The following MIA2 variants were observed in gnomAD, a reference collection of about 807,000 sequenced individuals.
The protein encoded by MIA2 is MIA SH3 domain ER export factor 2, also known as melanoma inhibitory activity protein 2.
A neutral mutation model predicts 167.8 loss-of-function variants in MIA2; 127 were observed. The observed-to-expected ratio is 0.76, with a 90% CI of 0.66 to 0.88. MIA2 has a LOEUF of 0.88. MIA2 is among the 40% of genes least tolerant of loss of function. The pLI, the probability that MIA2 is intolerant of heterozygous loss-of-function variation, is 0.00. For synonymous variants in MIA2, 552 were observed against 541.9 expected, an observed-to-expected ratio of 1.02 and a Z score of -0.26; for missense variants, 1,690 against 1,624.7, an observed-to-expected ratio of 1.04 and a Z score of -0.69.
chr14:39,266,710 CG>C, intron 6 of MIA2: 1 of 985,520 alleles, frequency 1.0e-6, no homozygotes, highest in Non-Finnish European at 1.2e-6. Context: ...GCTGGCTTCT[CG>C]GGGCTGCCGG....
intron 13 of MIA2, among the ~76,000 whole-genome samples, chr14:39,298,031 T>C (rs1020108876): frequency 1.2e-4 from 19 of 152,162 alleles, no homozygotes; most frequent in African/African-American, 4.6e-4. Flanking sequence ...CTATTTTCTT[T>C]TTTCCTTGTG....
chr14:39,303,549 A>C (rs1468132827), intron 16 of MIA2, 25 bp downstream of exon 16: 1 of 1,567,236 alleles, frequency 6.4e-7, no homozygotes, highest in Non-Finnish European at 8.8e-7. Context: ...ATACTTAAAA[A>C]GAATAAGGAG....
chr14:39,288,936 T>G (rs1264606625), intron 9 of MIA2, among the ~76,000 whole-genome samples: 1 of 152,178 alleles, frequency 6.6e-6, no homozygotes, highest in African/African-American at 2.4e-5. Flanking sequence ...ATTTATTTAT[T>G]TTTTGTGGTT....
At position 39,298,443 on chromosome 14, in the gene MIA2, A is replaced by ATATATATATATATATATATATATATATAT. The variant is rs1372100362; in HGVS notation, c.2497-1421_2497-1420insTATATATATATATATATATATATATATAT. On this transcript the variant is annotated intron_variant, in intron 13 of 28. Transcript: ENST00000640607. ...TATATATATATATATATATATATAT[A>ATATATATATATATATATATATATATATAT]AAGATTAGTTTTTCATGTGTTCGGA... Among the ~76,000 whole-genome samples, 316 of 49,902 alleles carry ATATATATATATATATATATATATATATAT rather than the reference A, an allele frequency of 6.3e-3. 46 individuals are homozygous for ATATATATATATATATATATATATATATAT. Among genetic ancestry groups the ATATATATATATATATATATATATATATAT allele is most frequent in the Middle Eastern group, 9.8e-3 (1 of 102 alleles). The allele number at this position is 49,902 out of a possible 152,430, so 32.7% of individuals were successfully genotyped here.
At chr14:39,235,805 T>A (rs1031708260) in intron 1 of MIA2, among the ~76,000 whole-genome samples, 2 of 151,676 alleles carry the variant, frequency 1.3e-5, no homozygotes, top group African/African-American at 2.4e-5. Flanking sequence ...GAAAAAAAAA[T>A]TTTTCTTTCC....
intron 6 of MIA2, among the ~76,000 whole-genome samples, chr14:39,275,788 T>G (rs2057920042): frequency 6.6e-6 from 1 of 152,216 alleles, no homozygotes; most frequent in African/African-American, 2.4e-5. Context: ...ATTAGATTTC[T>G]GCGAACTGGT....
chr14:39,366,925 TCA>T (rs1035663301), intron 23 of MIA2, among the ~76,000 whole-genome samples: 2 of 152,176 alleles, frequency 1.3e-5, no homozygotes, highest in African/African-American at 4.8e-5. Flanking sequence ...GAAATAGTTC[TCA>T]GAGTGTGTGC....
In MIA2 at chr14:39,247,628, A is replaced by T. The variant is rs1234288680; in HGVS notation, c.1054A>T (p.Thr352Ser). The change falls in exon 4 of 29, where the codon ACA becomes TCA. Residue 352 changes from threonine (T) to serine (S), a missense_variant. Transcript: ENST00000640607. The stretch of plus-strand genomic sequence containing the variant: ...TTCCATATCATCTGATAAAGAAGCC[A>T]CAGTTCCATGTACAGAAATATTAAC... The part of the protein sequence containing the change: ...PNSISSDKEA[T>S]VPCTEILTEK... The T allele has an allele frequency of 2.5e-6, 4 of 1,613,658 alleles. No individual in the cohort carries two copies. The highest frequency in any genetic ancestry group is 3.4e-6 in the Non-Finnish European group (4 of 1,179,960).
intron 23 of MIA2, among the ~76,000 whole-genome samples, chr14:39,381,292 T>G (rs994804596): frequency 1.8e-4 from 27 of 152,220 alleles, no homozygotes; most frequent in Middle Eastern, 6.8e-3. Context: ...AAATAAAACC[T>G]TTTTCTCAAA....
intron 25 of MIA2, among the ~76,000 whole-genome samples, chr14:39,333,652 G>T (rs1044674656): frequency 3.3e-5 from 5 of 151,946 alleles, no homozygotes; most frequent in Admixed American, 6.6e-5. Context: ...CCCCATACCC[G>T]GTTGTTACTC....
chr14:39,317,116 A>G (rs893789385), intron 21 of MIA2, among the ~76,000 whole-genome samples: 11 of 152,198 alleles, frequency 7.2e-5, no homozygotes, highest in African/African-American at 2.7e-4. Context: ...CCTAGGATAT[A>G]TCTGTCCTCA....
intron 3 of MIA2, among the ~76,000 whole-genome samples, chr14:39,243,965 A>G (rs1418715653): frequency 6.6e-6 from 1 of 152,252 alleles, no homozygotes; most frequent in Non-Finnish European, 1.5e-5. Flanking sequence ...CTGTAGAGAT[A>G]TGACTGAACA....
At chr14:39,353,105 G>A (rs1345935217), downstream of MIA2, among the ~76,000 whole-genome samples, 1 of 152,062 alleles carries the variant, frequency 6.6e-6, no homozygotes, top group Non-Finnish European at 1.5e-5. Flanking sequence ...GTACATGTGA[G>A]TGTTACTTGC....
intron 13 of MIA2, among the ~76,000 whole-genome samples, chr14:39,297,909 G>A (rs566309113): frequency 2.0e-5 from 3 of 151,976 alleles, no homozygotes; most frequent in Admixed American, 6.6e-5. Flanking sequence ...CTACTTTTGG[G>A]TGTTCCTACC....
chr14:39,385,903 C>T (rs1274558892), intron 23 of MIA2: 10 of 884,514 alleles, frequency 1.1e-5, no homozygotes, highest in Admixed American at 1.7e-5. Flanking sequence ...AAGGTTATCT[C>T]CTCTACCCCA....
chr14:39,264,506 C>CT (rs1001966964), intron 6 of MIA2, among the ~76,000 whole-genome samples: 3 of 152,100 alleles, frequency 2.0e-5, no homozygotes, highest in Middle Eastern at 3.4e-3. Flanking sequence ...TTTAACACTA[C>CT]TTTTTTTTCT....
chr14:39,234,037 TC>T lies in MIA2; in HGVS notation c.-76del. 1.3e-6 allele frequency: 1 copy of T among 792,184 alleles called. No individual in the cohort carries two copies. The highest frequency in any genetic ancestry group is 1.8e-5 in the South Asian group (1 of 56,942). 49.1% of individuals were successfully genotyped at this position (792,184 alleles called of 1,614,324 possible). A position where few individuals can be genotyped will look rare whatever the true frequency, so the allele number is the denominator to read the frequency against. On this transcript the variant is annotated 5_prime_UTR_variant, in exon 1 of 29. Coordinates refer to ENST00000640607, the MANE Select transcript of MIA2 (RefSeq NM_001329214.4). ...TAGTTAGTGAAGAGAGTAGAATATC[TC>T]CAGTTTTGGCTGACATCTCTACAAC...
intron 23 of MIA2, among the ~76,000 whole-genome samples, chr14:39,357,671 G>T (rs2074564733): frequency 6.6e-6 from 1 of 152,340 alleles, no homozygotes; most frequent in African/African-American, 2.4e-5. Flanking sequence ...AATTTGGCAT[G>T]TTTTTGCAGT....
rs59832680 is a variant in MIA2, at chr14:39,347,818, CTTTTTTTTTTTTTT to C, written c.3837+57_3837+70del. 342 of 706,380 alleles carry C rather than the reference CTTTTTTTTTTTTTT, an allele frequency of 4.8e-4. 10 individuals carry two copies. The African/African-American group carries it at 7.8e-3, about 16-fold the overall frequency. The allele number at this position is 706,380 out of a possible 1,614,324, so 43.8% of individuals were successfully genotyped here. ...TTGTATGCATGTATTCAGAAGCCTTCTTTTTTTTTTTTTTTTTTTTTTTATGGAGTTTCACTATT... is the reference window on the plus strand; with the variant it reads ...TTGTATGCATGTATTCAGAAGCCTTCTTTTTTTTTATGGAGTTTCACTATT... On this transcript the variant is annotated intron_variant, in intron 27 of 28. Coordinates refer to ENST00000640607, the MANE Select transcript of MIA2 (RefSeq NM_001329214.4).
Sources: allele counts gnomAD v4.1 joint callset (sites outside exome capture counted in the v4.1 genomes callset), GRCh38; gene constraint gnomAD v4.1.1; transcripts MANE v1.5; gene names NCBI Gene and HGNC (gene_info 2026-07-23, HGNC 2026-07-21).